MRFAP1L2: variants seen among roughly 807,000 people sequenced by gnomAD.
The protein encoded by MRFAP1L2 is MORF4 family-associated protein 1-like protein UPP.
chr4:6,675,221 A>G, the MRFAP1L2 span: 1 of 152,252 alleles, frequency 6.6e-6, no homozygotes, highest in African/African-American at 2.4e-5. Context: ...CTTTTCATTA[A>G]TGTCCCACGT....
chr4:6,674,500 T>C, the MRFAP1L2 span: 12 of 671,832 alleles, frequency 1.8e-5, no homozygotes, highest in Non-Finnish European at 3.0e-5. Context: ...AGAGGAAGGC[T>C]GCGGAGGCGG....
At chr4:6,674,312 C>T in the MRFAP1L2 span, 6 of 616,056 alleles carry the variant, frequency 9.7e-6, no homozygotes, top group South Asian at 8.6e-5. Context: ...CCTGGCCTCC[C>T]TGGAGCGCGA....
the MRFAP1L2 span, chr4:6,675,058 A>G: frequency 6.5e-6 from 1 of 152,804 alleles, no homozygotes; most frequent in Non-Finnish European, 1.5e-5. Flanking sequence ...GCTCAAACCA[A>G]GAGAGCCTTT....
At chr4:6,675,604 C>T in the MRFAP1L2 span, 2 of 152,120 alleles carry the variant, frequency 1.3e-5, no homozygotes, top group African/African-American at 2.4e-5. Context: ...GTTTTTATAG[C>T]ATTTTGCTTT....
the MRFAP1L2 span, chr4:6,674,273 AGCCCCGC>A: frequency 6.1e-6 from 3 of 488,432 alleles, no homozygotes; most frequent in African/African-American, 4.1e-5. Flanking sequence ...CAGCCCGCTG[AGCCCCGC>A]GCCCCGCGCC....
At chr4:6,674,228 G>C in the MRFAP1L2 span, 1 of 405,166 alleles carries the variant, frequency 2.5e-6, no homozygotes, top group Non-Finnish European at 4.3e-6. Context: ...GCCCGTGGAC[G>C]CGGACGAGGC....
the MRFAP1L2 span, chr4:6,674,791 C>T: frequency 8.3e-6 from 4 of 481,034 alleles, no homozygotes; most frequent in East Asian, 1.1e-4. Flanking sequence ...TGGTGGGTCA[C>T]TACGTGGGGG....
the MRFAP1L2 span, chr4:6,674,630 G>A: frequency 3.5e-6 from 2 of 566,586 alleles, no homozygotes; most frequent in African/African-American, 4.0e-5. Context: ...CCGCGTGGAA[G>A]GCGCTGGGTA....
At chr4:6,674,807 A>G in the MRFAP1L2 span, 1 of 459,526 alleles carries the variant, frequency 2.2e-6, no homozygotes, top group Non-Finnish European at 3.8e-6. Context: ...GGGGGGAGAG[A>G]GGTGTGAAGC....
the MRFAP1L2 span, chr4:6,674,848 G>A: frequency 5.1e-6 from 2 of 393,658 alleles, no homozygotes; most frequent in Non-Finnish European, 9.1e-6. Context: ...TGTGAATGTT[G>A]TTACGAGATT....
At chr4:6,674,740 A>T in the MRFAP1L2 span, 3 of 518,716 alleles carry the variant, frequency 5.8e-6, no homozygotes, top group Non-Finnish European at 1.0e-5. Context: ...ATGTTGTTGT[A>T]AAGAGTCATG....
chr4:6,674,421 C>T, the MRFAP1L2 span: 6 of 653,740 alleles, frequency 9.2e-6, no homozygotes, highest in East Asian at 3.2e-5. Context: ...GAGCGGGGCG[C>T]CCGGGCCCCA....
the MRFAP1L2 span, chr4:6,674,609 C>A: frequency 1.7e-6 from 1 of 593,920 alleles, no homozygotes; most frequent in Non-Finnish European, 3.0e-6. Flanking sequence ...CGGAGCGCGG[C>A]GGGGAGTGTC....
chr4:6,675,454 G>A, the MRFAP1L2 span: 1 of 151,838 alleles, frequency 6.6e-6, no homozygotes, highest in Non-Finnish European at 1.5e-5. Context: ...TCCTGTCAAA[G>A]TTGTGAATGC....
chr4:6,674,445 G>T, the MRFAP1L2 span: 15 of 656,948 alleles, frequency 2.3e-5, no homozygotes, highest in Middle Eastern at 3.8e-4. Context: ...CCCCGCCCGC[G>T]TGCGGAGGCT....
chr4:6,674,389 C>T, the MRFAP1L2 span: 7 of 651,598 alleles, frequency 1.1e-5, no homozygotes, highest in South Asian at 3.2e-5. Flanking sequence ...TCGACGCCAT[C>T]AAGAGTGAGG....
the MRFAP1L2 span, chr4:6,674,702 C>A: frequency 1.9e-6 from 1 of 524,960 alleles, no homozygotes; most frequent in East Asian, 3.5e-5. Context: ...ATTCTTTTTT[C>A]ATAGGTAATT....
At chr4:6,674,593 C>G in the MRFAP1L2 span, 1 of 613,516 alleles carries the variant, frequency 1.6e-6, no homozygotes, top group Non-Finnish European at 2.9e-6. Flanking sequence ...CCGCGCGGGT[C>G]TGGAGCGGAG....
the MRFAP1L2 span, chr4:6,674,643 C>A: frequency 1.8e-6 from 1 of 553,858 alleles, no homozygotes; most frequent in Admixed American, 3.8e-5. Context: ...GCTGGGTAGG[C>A]AGGGAGGGGA....
Sources: gnomAD v4.1 joint callset for allele counts on GRCh38, gnomAD v4.1.1 for gene constraint, MANE v1.5 for transcripts, NCBI Gene and HGNC (gene_info 2026-07-23, HGNC 2026-07-21) for gene names.